Variants in BICRAL observed in about 807,000 individuals in gnomAD.
BICRAL encodes the protein BICRA like chromatin remodeling complex associated protein.
In BICRAL, 8 loss-of-function variants were observed where a neutral mutation model predicts 91.8. That is an observed-to-expected ratio of 0.09 (90% CI 0.05 to 0.16). BICRAL has a LOEUF of 0.16. BICRAL is among the 10% of genes least tolerant of loss of function. The pLI is 1.00. For missense variants in BICRAL, 1,038 were observed against 1,310.9 expected (o/e 0.79, Z 3.21); for synonymous variants, 445 against 491.1 (o/e 0.91, Z 1.24).
At chr6:42,845,053 T>C (rs1764953828) in intron 6 of BICRAL, among the ~76,000 whole-genome samples, 1 of 151,972 alleles carries the variant, frequency 6.6e-6, no homozygotes, top group African/African-American at 2.4e-5. Context: ...TGGGGTTGGA[T>C]TCCAGTTGAG....
chr6:42,818,305 T>C (rs1041290513), intron 2 of BICRAL, among the ~76,000 whole-genome samples: 2 of 150,488 alleles, frequency 1.3e-5, no homozygotes, highest in Non-Finnish European at 3.0e-5. Context: ...TTTCTGTGAA[T>C]TGATTGCTCA....
At chr6:42,820,830 A>C (rs1035289529) in intron 2 of BICRAL, among the ~76,000 whole-genome samples, 6 of 152,190 alleles carry the variant, frequency 3.9e-5, no homozygotes, top group Admixed American at 3.3e-4. Flanking sequence ...TCAGCCGCCA[A>C]GGGGAAGATC....
chr6:42,851,809 C>T (rs1765192316), intron 6 of BICRAL, among the ~76,000 whole-genome samples: 2 of 152,242 alleles, frequency 1.3e-5, no homozygotes, highest in East Asian at 3.9e-4. Flanking sequence ...TTCATCTGAG[C>T]ACCACAAACA....
chr6:42,783,402 G>T (rs1762995152), intron 1 of BICRAL, among the ~76,000 whole-genome samples: 1 of 152,162 alleles, frequency 6.6e-6, no homozygotes, highest in Non-Finnish European at 1.5e-5. Context: ...GCGCCCCCCC[G>T]AGTCGCCCCA....
intron 6 of BICRAL, among the ~76,000 whole-genome samples, chr6:42,846,356 A>G (rs1765010322): frequency 6.6e-6 from 1 of 152,032 alleles, no homozygotes; most frequent in Admixed American, 6.6e-5. Context: ...CGACAGAGCA[A>G]GACTCCGGCT....
intron 12 of BICRAL, among the ~76,000 whole-genome samples, chr6:42,863,194 G>A (rs1261376242): frequency 3.3e-5 from 5 of 151,840 alleles, no homozygotes; most frequent in South Asian, 2.1e-4. Context: ...GACTACAGGC[G>A]CCTGCAACCA....
In BICRAL at chr6:42,765,303, GC is replaced by G. The variant is rs1712909090; in HGVS notation, c.-260-16535del. 2.0e-5 allele frequency among the ~76,000 whole-genome samples: 3 copies of G among 152,334 alleles called. No homozygotes were observed. The South Asian group carries it at 6.2e-4, about 32-fold the overall frequency. On this transcript the variant is annotated intron_variant, in intron 1 of 14. Transcript: ENST00000614467. ...GCAGGAAACATTTAGGAATGTGAAT[GC>G]GTAACAGGGCTATGTTGCCAGGGAT...
intron 6 of BICRAL, among the ~76,000 whole-genome samples, chr6:42,830,845 G>A (rs1764455475): frequency 6.6e-6 from 1 of 152,122 alleles, no homozygotes; most frequent in African/African-American, 2.4e-5. Context: ...TTGAACTCCT[G>A]GGCTCAAGAA....
chr6:42,833,343 C>A (rs147786705), intron 6 of BICRAL, among the ~76,000 whole-genome samples: 1 of 152,060 alleles, frequency 6.6e-6, no homozygotes, highest in African/African-American at 2.4e-5. Flanking sequence ...CCACCGCGCC[C>A]GGCCCAGGCT....
At position 42,770,882 on chromosome 6, in the gene BICRAL, G is replaced by GCCAC. The variant is rs1259339844; in HGVS notation, c.-260-10957_-260-10956insCCAC. Among the ~76,000 whole-genome samples the GCCAC allele has an allele frequency of 5.0e-3, 755 of 151,374 alleles. 5 individuals are homozygous for GCCAC. The highest frequency in any genetic ancestry group is 8.5e-3 in the Non-Finnish European group (577 of 67,896). ...ATTTTTGTATTTTTAGTAGAGACGG[G>GCCAC]GTTTCACCACGTTGGCCACGAACTC... is the stretch of plus-strand genomic sequence containing the variant. On this transcript the variant is annotated intron_variant, in intron 1 of 14. Coordinates refer to the BICRAL transcript ENST00000614467.
At chr6:42,850,048 A>AAAATAAAT (rs71547818) in intron 6 of BICRAL, among the ~76,000 whole-genome samples, 30 of 151,508 alleles carry the variant, frequency 2.0e-4, no homozygotes, top group Admixed American at 3.3e-4. Flanking sequence ...ATAAATAAAT[A>AAAATAAAT]AAATAAATAA....
At chr6:42,853,997 A>G (rs892495429) in intron 8 of BICRAL, among the ~76,000 whole-genome samples, 1 of 152,190 alleles carries the variant, frequency 6.6e-6, no homozygotes, top group Non-Finnish European at 1.5e-5. Flanking sequence ...TGAATTAGTA[A>G]TATACCAGCA....
At chr6:42,770,676 A>G (rs1762706087) in intron 1 of BICRAL, among the ~76,000 whole-genome samples, 1 of 150,818 alleles carries the variant, frequency 6.6e-6, no homozygotes, top group Non-Finnish European at 1.5e-5. Context: ...TCGGCCTCCC[A>G]AAGTGCTGGG....
At chr6:42,795,027 T>C (rs1763383249) in intron 1 of BICRAL, among the ~76,000 whole-genome samples, 1 of 151,632 alleles carries the variant, frequency 6.6e-6, no homozygotes, top group African/African-American at 2.4e-5. Flanking sequence ...CCACCAATAC[T>C]CACAAAGAGA....
intron 1 of BICRAL, among the ~76,000 whole-genome samples, chr6:42,747,795 G>GTT (rs1343500976): frequency 1.4e-4 from 20 of 141,088 alleles, no homozygotes; most frequent in Non-Finnish European, 2.0e-4. Flanking sequence ...TTGCTTTTTT[G>GTT]TTTTATTTTG....
At chr6:42,786,182 T>A (rs1157697767) in intron 1 of BICRAL, among the ~76,000 whole-genome samples, 1 of 152,252 alleles carries the variant, frequency 6.6e-6, no homozygotes, top group Non-Finnish European at 1.5e-5. Flanking sequence ...TCTTGTTGAT[T>A]CTTCTCAAAT....
chr6:42,805,762 A>G (rs893936437), intron 1 of BICRAL, among the ~76,000 whole-genome samples: 33 of 151,952 alleles, frequency 2.2e-4, no homozygotes, highest in African/African-American at 6.8e-4. Context: ...AGCACTTTGG[A>G]AGGCCGAGAC....
chr6:42,768,644 T>G (rs1323875578), intron 1 of BICRAL, among the ~76,000 whole-genome samples: 1 of 152,234 alleles, frequency 6.6e-6, no homozygotes, highest in Non-Finnish European at 1.5e-5. Context: ...CAGATATCAA[T>G]CAGGCACTTT....
intron 6 of BICRAL, among the ~76,000 whole-genome samples, chr6:42,846,471 A>G (rs1765016037): frequency 6.6e-6 from 1 of 152,186 alleles, no homozygotes; most frequent in Non-Finnish European, 1.5e-5. Flanking sequence ...ATCTTTGTGG[A>G]TGGAACCCAG....
Sources: gnomAD v4.1 joint callset for allele counts (sites outside exome capture counted in the v4.1 genomes callset) on GRCh38, gnomAD v4.1.1 for gene constraint, MANE v1.5 for transcripts, NCBI Gene and HGNC (gene_info 2026-07-23, HGNC 2026-07-21) for gene names.